PPARD: variants seen among roughly 807,000 people sequenced by gnomAD.
PPARD encodes peroxisome proliferator-activated receptor delta.
Under a neutral mutation model 39.5 loss-of-function variants are expected in PPARD, and 6 were observed. That is an observed-to-expected ratio of 0.15 (90% CI 0.08 to 0.30). The LOEUF (loss-of-function observed/expected upper bound fraction) is 0.30. Among genes scored for constraint, PPARD ranks in the 10% least tolerant of loss-of-function variants. The probability of loss-of-function intolerance (pLI) is 1.00; values close to 1 mark genes in which losing one functional copy is unlikely to be tolerated. For synonymous variants in PPARD, 210 were observed against 231.3 expected, an observed-to-expected ratio of 0.91 and a Z score of 0.83; for missense variants, 397 against 596.8, an observed-to-expected ratio of 0.67 and a Z score of 3.49.
chr6:35,376,792 A>G (rs913787912), intron 2 of PPARD, among the ~76,000 whole-genome samples: 3 of 151,112 alleles, frequency 2.0e-5, no homozygotes, highest in Non-Finnish European at 2.9e-5. Context: ...AGGCCGAGGC[A>G]GGGGGATCAT....
At chr6:35,349,687 G>A (rs886583853) in intron 2 of PPARD, among the ~76,000 whole-genome samples, 5 of 150,102 alleles carry the variant, frequency 3.3e-5, no homozygotes, top group Admixed American at 2.7e-4. Flanking sequence ...GTTTGTTTTT[G>A]TTTTTTTTTA....
intron 2 of PPARD, among the ~76,000 whole-genome samples, chr6:35,364,607 T>G (rs1376071944): frequency 1.3e-5 from 2 of 150,408 alleles, no homozygotes; most frequent in African/African-American, 4.9e-5. Flanking sequence ...CTAATTTTTT[T>G]TTTGTATTTT....
At position 35,366,555 on chromosome 6, in the gene PPARD, C is replaced by CTT. The variant is rs375114675; in HGVS notation, c.-102+19418_-102+19419dup. On this transcript the variant is annotated intron_variant, in intron 2 of 7. Transcript: ENST00000360694. This position sits in a 1 kb window ranked among gnomAD's most constrained non-coding sequence, Gnocchi z 4.6. ...AATTCCTGGCCTGTAGTACTAAATACTTTTTTTTTTTTTTAAGACAATCTC... is the reference window on the plus strand; with the variant it reads ...AATTCCTGGCCTGTAGTACTAAATACTTTTTTTTTTTTTTTTAAGACAATCTC... Among the ~76,000 whole-genome samples, 12,615 of 143,846 alleles carry CTT rather than the reference C, an allele frequency of 0.088. 1,523 individuals carry two copies. Among genetic ancestry groups the CTT allele is most frequent in the African/African-American group, 0.25 (9,739 of 38,402 alleles). 94.4% of individuals were successfully genotyped at this position (143,846 alleles called of 152,430 possible).
rs150809476 is a variant in PPARD at position 35,360,617 on chromosome 6, A to G, written c.-102+13467A>G. Among the ~76,000 whole-genome samples, 544 of 152,360 alleles carry G rather than the reference A, an allele frequency of 3.6e-3. 2 individuals are homozygous for G. Among genetic ancestry groups the G allele is most frequent in the Middle Eastern group, 0.017 (5 of 294 alleles). ...ATGGGCTCTCCAGGTATGTGCAAAT[A>G]GTTATGCAAGTGTTGCATCCACAGG... On this transcript the variant is annotated intron_variant, in intron 2 of 7. Coordinates refer to ENST00000360694, the MANE Select transcript of PPARD (RefSeq NM_006238.5).
At chr6:35,382,265 C>T (rs7770619) in intron 2 of PPARD, among the ~76,000 whole-genome samples, 11,335 of 152,132 alleles carry the variant, frequency 0.075, 694 homozygotes, top group African/African-American at 0.17. Context: ...CTGGACATGC[C>T]GTGGCACTGC....
intron 2 of PPARD, among the ~76,000 whole-genome samples, chr6:35,375,774 G>A (rs1440095968): frequency 6.6e-6 from 1 of 151,850 alleles, no homozygotes; most frequent in African/African-American, 2.4e-5. Flanking sequence ...GGCTCGTCTT[G>A]AACTCCTCAC....
intron 2 of PPARD, among the ~76,000 whole-genome samples, chr6:35,389,457 G>A (rs1022799628): frequency 1.3e-5 from 2 of 151,998 alleles, no homozygotes; most frequent in East Asian, 1.9e-4. Flanking sequence ...GACTACAGGC[G>A]CCTGCCACCA....
At position 35,424,877 on chromosome 6, in the gene PPARD, G is replaced by A. The variant is rs200576789; in HGVS notation, c.1078+98G>A. 6.6e-7 allele frequency: 1 copy of A among 1,504,436 alleles called. No individual in the cohort carries two copies. Among genetic ancestry groups the A allele is most frequent in the Non-Finnish European group, 8.9e-7 (1 of 1,129,026 alleles). 93.2% of individuals were successfully genotyped at this position (1,504,436 alleles called of 1,614,324 possible). On this transcript the variant is annotated intron_variant, in intron 7 of 7. Coordinates refer to ENST00000360694, the MANE Select transcript of PPARD (RefSeq NM_006238.5). The surrounding 1 kb of genome is among the most constrained non-coding windows in gnomAD (Gnocchi z 7.1). ...CACTGTGCCTGAGCTCTGACAGTGT[G>A]GGGAAGTGTCCCTGTGATCTTGGCA...
intron 3 of PPARD, among the ~76,000 whole-genome samples, chr6:35,418,263 C>T (rs1262234668): frequency 3.9e-5 from 6 of 152,218 alleles, no homozygotes; most frequent in African/African-American, 1.2e-4. Context: ...TCTGCACAGG[C>T]ATCCACAAAG....
intron 2 of PPARD, among the ~76,000 whole-genome samples, chr6:35,408,896 A>G (rs772448456): frequency 9.2e-5 from 14 of 152,230 alleles, no homozygotes; most frequent in Non-Finnish European, 1.8e-4. Flanking sequence ...ACTATTAACC[A>G]AAGTCAGTGT....
intron 2 of PPARD, among the ~76,000 whole-genome samples, chr6:35,408,587 C>T (rs1765213317): frequency 6.6e-6 from 1 of 152,130 alleles, no homozygotes; most frequent in Non-Finnish European, 1.5e-5. Context: ...CCCTGCAATG[C>T]AGTGTAAATG....
intron 2 of PPARD, among the ~76,000 whole-genome samples, chr6:35,389,022 G>A (rs1365114376): frequency 4.6e-5 from 7 of 152,006 alleles, no homozygotes; most frequent in Non-Finnish European, 1.0e-4. Flanking sequence ...GGTCAGAAGA[G>A]TGGTTTACAG....
At chr6:35,408,315 G>A (rs1421356078) in intron 2 of PPARD, among the ~76,000 whole-genome samples, 1 of 152,218 alleles carries the variant, frequency 6.6e-6, no homozygotes, top group East Asian at 1.9e-4. Flanking sequence ...CTGCAAGAGA[G>A]CTTGGGGAAA....
At chr6:35,359,045 A>G (rs1301997796) in intron 2 of PPARD, among the ~76,000 whole-genome samples, 1 of 152,192 alleles carries the variant, frequency 6.6e-6, no homozygotes, top group African/African-American at 2.4e-5. Context: ...GTGACATTTA[A>G]GTGGAAAGAG....
At chr6:35,343,946 T>C (rs1792017832) in intron 1 of PPARD, among the ~76,000 whole-genome samples, 1 of 152,288 alleles carries the variant, frequency 6.6e-6, no homozygotes, top group Admixed American at 6.5e-5. Context: ...AAAATACTTG[T>C]GGTCCTCAAC....
intron 2 of PPARD, among the ~76,000 whole-genome samples, chr6:35,383,988 T>TG (rs1317583804): frequency 2.8e-5 from 3 of 105,868 alleles, no homozygotes; most frequent in South Asian, 3.0e-4. Flanking sequence ...GGGAGGGAGG[T>TG]GGGGGGGTCA....
chr6:35,421,401 G>A (rs1170080635), intron 4 of PPARD, among the ~76,000 whole-genome samples: 2 of 151,662 alleles, frequency 1.3e-5, no homozygotes, highest in African/African-American at 4.8e-5. Context: ...GTAATGGCGC[G>A]ATCTTGGCTG....
chr6:35,424,786 G>A lies in PPARD; in HGVS notation c.1078+7G>A, dbSNP rs1479353855. The A allele has an allele frequency of 2.5e-6, 4 of 1,612,044 alleles. No individual in the cohort carries two copies. The highest frequency in any genetic ancestry group is 1.7e-4 in the Middle Eastern group (1 of 5,900). On this transcript the variant is annotated splice_region_variant and intron_variant, in intron 7 of 7. Transcript: ENST00000360694. This position sits in a 1 kb window ranked among gnomAD's most constrained non-coding sequence, Gnocchi z 7.1. The stretch of plus-strand genomic sequence containing the variant: ...GCCATCATTCTGTGTGGAGGTGAGT[G>A]AGAGTGGGGCAGGTGGGCTGGCCTG...
At chr6:35,423,139 G>A (rs1027495595) in intron 5 of PPARD, among the ~76,000 whole-genome samples, 1 of 151,944 alleles carries the variant, frequency 6.6e-6, no homozygotes, top group Non-Finnish European at 1.5e-5. Flanking sequence ...GCTGAGGCGG[G>A]AGGATCACTT....
Sources: allele counts gnomAD v4.1 joint callset (sites outside exome capture counted in the v4.1 genomes callset), GRCh38; gene constraint gnomAD v4.1.1; non-coding constraint Gnocchi (gnomAD v3.1); transcripts MANE v1.5; gene names NCBI Gene and HGNC (gene_info 2026-07-23, HGNC 2026-07-21).